The following GPC6 variants were observed in gnomAD, a reference collection of about 807,000 sequenced individuals.
GPC6 encodes glypican-6.
GPC6 carries 14 observed loss-of-function variants against 55.2 expected under a neutral mutation model. That is an observed-to-expected ratio of 0.25 (90% confidence interval 0.17 to 0.40). GPC6 has a LOEUF of 0.40. Among genes scored for constraint, GPC6 ranks in the 10% least tolerant of loss-of-function variants. GPC6 has a pLI of 1.00. For missense variants in GPC6, 641 were observed against 708.5 expected, an observed-to-expected ratio of 0.90 and a Z score of 1.08; for synonymous variants, 278 against 259.6, an observed-to-expected ratio of 1.07 and a Z score of -0.68.
At chr13:94,040,944 A>G (rs1396223550) in intron 4 of GPC6, among the ~76,000 whole-genome samples, 1 of 151,856 alleles carries the variant, frequency 6.6e-6, no homozygotes, top group African/African-American at 2.4e-5. Context: ...TGGAATTGAT[A>G]GATATTAAAA....
intron 4 of GPC6, among the ~76,000 whole-genome samples, chr13:94,063,036 A>C (rs984927249): frequency 3.3e-5 from 5 of 152,156 alleles, no homozygotes; most frequent in Admixed American, 1.3e-4. Context: ...TTGGGTCACT[A>C]TGTGAGGTTT....
intron 2 of GPC6, among the ~76,000 whole-genome samples, chr13:93,593,598 G>A (rs922995326): frequency 6.6e-6 from 1 of 151,982 alleles, no homozygotes; most frequent in Non-Finnish European, 1.5e-5. Flanking sequence ...TAAAATAATT[G>A]TATTTCATTG....
At chr13:94,253,550 C>G (rs1372300632) in intron 4 of GPC6, among the ~76,000 whole-genome samples, 1 of 151,972 alleles carries the variant, frequency 6.6e-6, no homozygotes, top group Non-Finnish European at 1.5e-5. Flanking sequence ...GGCCTTTTTG[C>G]TTTTTAAGAT....
intron 4 of GPC6, among the ~76,000 whole-genome samples, chr13:94,049,218 C>T (rs1370085926): frequency 6.7e-6 from 1 of 148,834 alleles, no homozygotes; most frequent in Non-Finnish European, 1.5e-5. Flanking sequence ...CACTGCACTG[C>T]AGCCTAGGTG....
At chr13:93,758,905 C>T (rs1221422344) in intron 2 of GPC6, among the ~76,000 whole-genome samples, 3 of 152,144 alleles carry the variant, frequency 2.0e-5, no homozygotes, top group Non-Finnish European at 2.9e-5. Context: ...CTATCTGACT[C>T]CTGCATTTCT....
At chr13:93,590,141 T>A (rs1255889900) in intron 2 of GPC6, among the ~76,000 whole-genome samples, 1 of 152,184 alleles carries the variant, frequency 6.6e-6, no homozygotes. Context: ...ACCAGGGAAT[T>A]TATTTAGATT....
chr13:93,611,581 C>T (rs1005782907), intron 2 of GPC6, among the ~76,000 whole-genome samples: 1 of 151,882 alleles, frequency 6.6e-6, no homozygotes, highest in African/African-American at 2.4e-5. Context: ...TAGTCTCATC[C>T]CAGTTTTGAT....
chr13:93,780,863 T>C (rs1885619919), intron 2 of GPC6, among the ~76,000 whole-genome samples: 1 of 152,200 alleles, frequency 6.6e-6, no homozygotes, highest in South Asian at 2.1e-4. Flanking sequence ...TTAATTTCTT[T>C]GAGCTTGTCT....
intron 2 of GPC6, among the ~76,000 whole-genome samples, chr13:93,796,392 A>C (rs1163831841): frequency 6.6e-6 from 1 of 152,088 alleles, no homozygotes; most frequent in Non-Finnish European, 1.5e-5. Flanking sequence ...TTTTTTTAGC[A>C]TGGAATTATG....
chr13:94,301,739 A>G (rs373707134), intron 5 of GPC6, among the ~76,000 whole-genome samples: 1 of 152,210 alleles, frequency 6.6e-6, no homozygotes, highest in Admixed American at 6.5e-5. Flanking sequence ...GCCCACCTAT[A>G]TATACTTGTC....
intron 3 of GPC6, among the ~76,000 whole-genome samples, chr13:93,958,169 G>T (rs1405739377): frequency 6.6e-6 from 1 of 152,076 alleles, no homozygotes; most frequent in African/African-American, 2.4e-5. Flanking sequence ...TAGGGTGTCT[G>T]TTTACTCTAT....
intron 2 of GPC6, among the ~76,000 whole-genome samples, chr13:93,790,806 G>A (rs1200245010): frequency 6.6e-6 from 1 of 152,204 alleles, no homozygotes; most frequent in Admixed American, 6.5e-5. Flanking sequence ...CTTAGGTACA[G>A]AGGATGGAGA....
chr13:93,437,714 AGCAGCAGGT>A (rs1877626203), intron 1 of GPC6, among the ~76,000 whole-genome samples: 1 of 152,204 alleles, frequency 6.6e-6, no homozygotes, highest in South Asian at 2.1e-4. Flanking sequence ...TTCAATGTGA[AGCAGCAGGT>A]GCTGATGAAG....
chr13:94,257,251 CA>C (rs764069773), intron 4 of GPC6, among the ~76,000 whole-genome samples: 1 of 152,166 alleles, frequency 6.6e-6, no homozygotes, highest in Admixed American at 6.5e-5. Context: ...CACACAAATG[CA>C]AAAGGCACTT....
At chr13:94,129,950 A>G (rs193178307) in intron 4 of GPC6, among the ~76,000 whole-genome samples, 4 of 152,264 alleles carry the variant, frequency 2.6e-5, no homozygotes, top group Admixed American at 2.6e-4. Context: ...TATTACACAA[A>G]TATGTTTATA....
At chr13:93,472,678 T>G (rs1020535307) in intron 1 of GPC6, among the ~76,000 whole-genome samples, 5 of 152,204 alleles carry the variant, frequency 3.3e-5, no homozygotes, top group African/African-American at 1.2e-4. Flanking sequence ...GGCCACAAAC[T>G]CCTTCTCTTC....
intron 4 of GPC6, among the ~76,000 whole-genome samples, chr13:94,099,303 A>T (rs999005441): frequency 6.6e-6 from 1 of 152,164 alleles, no homozygotes; most frequent in African/African-American, 2.4e-5. Context: ...TTGCTTCAGA[A>T]ATAAAGAGAT....
intron 6 of GPC6, among the ~76,000 whole-genome samples, chr13:94,364,942 C>A (rs1248363757): frequency 1.3e-5 from 2 of 152,166 alleles, no homozygotes; most frequent in African/African-American, 2.4e-5. Context: ...CATTTGAAGA[C>A]CCAGAATTTG....
At chr13:94,090,828 C>G (rs765527305) in intron 4 of GPC6, among the ~76,000 whole-genome samples, 1 of 152,110 alleles carries the variant, frequency 6.6e-6, no homozygotes, top group Non-Finnish European at 1.5e-5. Flanking sequence ...CTATTTAGCA[C>G]ACAATTACTC....
Sources: allele counts gnomAD v4.1 joint callset (sites outside exome capture counted in the v4.1 genomes callset), GRCh38; gene constraint gnomAD v4.1.1; transcripts MANE v1.5; gene names NCBI Gene and HGNC (gene_info 2026-07-23, HGNC 2026-07-21).